MPC1: variants seen among roughly 807,000 people sequenced by gnomAD.
MPC1 encodes HSPC040 protein.
In MPC1, 6 loss-of-function variants were observed where a neutral mutation model predicts 13.9. The observed-to-expected ratio is 0.43, with a 90% CI of 0.24 to 0.85. MPC1 has a LOEUF of 0.85. MPC1 is among the 40% of genes least tolerant of loss of function. The pLI is 0.24. For synonymous variants in MPC1, 47 were observed against 50.5 expected, an observed-to-expected ratio of 0.93 and a Z score of 0.29; for missense variants, 115 against 143.3, an observed-to-expected ratio of 0.80 and a Z score of 1.01.
chr6:166,374,044 T>C lies in MPC1; in HGVS notation c.72-3823A>G, dbSNP rs536868155. ...CTCTGTTGCCCAGGATGGAGTGCAG[T>C]GGCATGATCTTGGCTGACTGCAACC... On this transcript the variant is annotated intron_variant, in intron 1 of 4. Coordinates refer to ENST00000360961, the MANE Select transcript of MPC1 (RefSeq NM_016098.4). 1.3e-4 allele frequency among the ~76,000 whole-genome samples: 20 copies of C among 152,184 alleles called. No individual in the cohort carries two copies. The Middle Eastern group carries it at 0.01, about 78-fold the overall frequency.
rs991588772 is a variant in MPC1, at chr6:166,367,265, C to T, written c.76-374G>A. On this transcript the variant is annotated intron_variant, in intron 2 of 4. Transcript: ENST00000360961. ...TGCTATAATTCAAACCCTGTTAGAA[C>T]TATTCTCCATATTTTTATGTTTAAA... The T allele has an allele frequency of 3.7e-6, 3 of 805,706 alleles. No homozygotes were observed. The African/African-American group carries it at 5.5e-5, about 15-fold the overall frequency. The allele number at this position is 805,706 out of a possible 1,614,324, so 49.9% of individuals were successfully genotyped here. A position where few individuals can be genotyped will look rare whatever the true frequency, so the allele number is the denominator to read the frequency against.
chr6:166,365,582 A>G lies in MPC1; in HGVS notation c.306-129T>C, dbSNP rs1189395517. On this transcript the variant is annotated intron_variant, in intron 4 of 4. Transcript: ENST00000360961. The surrounding 1 kb of genome is among the most constrained non-coding windows in gnomAD (Gnocchi z 4.2). ...TCAACTTACAACTTATAAAAACAAT[A>G]ATATAGGTTGGGTATCCCTCATCTG... 1.4e-5 allele frequency: 10 copies of G among 737,386 alleles called. No individual in the cohort carries two copies. The highest frequency in any genetic ancestry group is 1.8e-5 in the Non-Finnish European group (9 of 486,868). The allele number at this position is 737,386 out of a possible 1,614,324, so 45.7% of individuals were successfully genotyped here.
intron 2 of MPC1, among the ~76,000 whole-genome samples, chr6:166,369,231 G>A (rs1243880160): frequency 1.3e-5 from 2 of 151,988 alleles, no homozygotes; most frequent in Non-Finnish European, 1.5e-5. Flanking sequence ...GTGAAACCCC[G>A]TCTCTACTAA....
chr6:166,366,966 T>A, intron 2 of MPC1, 75 bp from the exon 3 acceptor site: 1 of 1,606,750 alleles, frequency 6.2e-7, no homozygotes, highest in Non-Finnish European at 8.5e-7. Context: ...AAATTTCCCT[T>A]ACTTTAAATA....
At chr6:166,379,844 T>C (rs1779703026) in intron 1 of MPC1, among the ~76,000 whole-genome samples, 1 of 152,244 alleles carries the variant, frequency 6.6e-6, no homozygotes, top group Non-Finnish European at 1.5e-5. Flanking sequence ...AAAGCCGGGC[T>C]GTAAGCGTAA....
At chr6:166,370,282 A>T (rs1779330597) in intron 1 of MPC1, 61 bp from the exon 2 acceptor site, 2 of 707,816 alleles carry the variant, frequency 2.8e-6, no homozygotes, top group African/African-American at 3.5e-5. Context: ...AAGAAACAAA[A>T]ATCAAATGAT....
At chr6:166,371,612 T>C (rs1779383605) in intron 1 of MPC1, among the ~76,000 whole-genome samples, 1 of 152,210 alleles carries the variant, frequency 6.6e-6, no homozygotes, top group South Asian at 2.1e-4. Flanking sequence ...GAGATTATAA[T>C]TTGTAACATG....
chr6:166,366,760 A>G (rs1779171229), intron 3 of MPC1, 35 bp downstream of exon 3: 1 of 1,595,540 alleles, frequency 6.3e-7, no homozygotes, highest in Non-Finnish European at 8.6e-7. Flanking sequence ...TACTATGTTG[A>G]AAGTCCTCCC....
intron 1 of MPC1, among the ~76,000 whole-genome samples, chr6:166,382,523 G>C (rs1253447026): frequency 2.0e-5 from 3 of 147,844 alleles, no homozygotes; most frequent in Non-Finnish European, 3.0e-5. Flanking sequence ...TGCCGGGAGA[G>C]GACACCCACT....
At chr6:166,368,794 T>C (rs1405334640) in intron 2 of MPC1, 2 of 985,440 alleles carry the variant, frequency 2.0e-6, no homozygotes, top group East Asian at 1.1e-4. Context: ...TATTATTCCA[T>C]AGTGATCTTC....
intron 1 of MPC1, among the ~76,000 whole-genome samples, chr6:166,380,864 A>T (rs973686711): frequency 6.8e-6 from 1 of 147,906 alleles, no homozygotes; most frequent in Non-Finnish European, 1.5e-5. Context: ...ACTTGAACCC[A>T]GGAGGCGGAG....
intron 1 of MPC1, among the ~76,000 whole-genome samples, chr6:166,379,527 G>A (rs1779689378): frequency 6.6e-6 from 1 of 152,134 alleles, no homozygotes; most frequent in Non-Finnish European, 1.5e-5. Flanking sequence ...ATTCAGTTTA[G>A]TAAGAATGTT....
At chr6:166,378,840 C>A (rs1274884707) in intron 1 of MPC1, among the ~76,000 whole-genome samples, 1 of 152,136 alleles carries the variant, frequency 6.6e-6, no homozygotes, top group Non-Finnish European at 1.5e-5. Flanking sequence ...ATAAATTGAA[C>A]ACTTACTTTT....
intron 1 of MPC1, among the ~76,000 whole-genome samples, chr6:166,379,676 C>T (rs776567848): frequency 3.9e-5 from 6 of 152,036 alleles, no homozygotes; most frequent in Non-Finnish European, 7.4e-5. Context: ...CCTCTAGACC[C>T]CTTCAGTAGG....
rs558868413 is a variant in MPC1 at position 166,365,720 on chromosome 6, A to C, written c.305+254T>G. On this transcript the variant is annotated intron_variant, in intron 4 of 4. Transcript: ENST00000360961. The surrounding 1 kb of genome is among the most constrained non-coding windows in gnomAD (Gnocchi z 4.2). ...CAAAATCCAAAATGCTCCAATGAGC[A>C]CTTCCTTTGAGTGTCATGTTGGCAC... Among the ~76,000 whole-genome samples, 51 of 152,328 alleles carry C rather than the reference A, an allele frequency of 3.3e-4. No individual in the cohort carries two copies. The South Asian group carries it at 1.0e-2, about 30-fold the overall frequency.
At chr6:166,370,522 C>T (rs1330834328) in intron 1 of MPC1, among the ~76,000 whole-genome samples, 1 of 152,168 alleles carries the variant, frequency 6.6e-6, no homozygotes, top group Admixed American at 6.5e-5. Flanking sequence ...ATACAAGCCA[C>T]GTACGTAATT....
Position 166,365,864 on chromosome 6 carries a change from ATCTATACACAC to A in MPC1, c.305+99_305+109del. 7.1e-7 allele frequency: 1 copy of A among 1,400,690 alleles called. No individual in the cohort carries two copies. Among genetic ancestry groups the A allele is most frequent in the African/African-American group, 1.4e-5 (1 of 69,934 alleles). 86.8% of individuals were successfully genotyped at this position (1,400,690 alleles called of 1,614,324 possible). ...GTTGTTTCCCCAACTGCTAAAGCGC[ATCTATACACAC>A]TCCAGTCCCGCAGCACTCCCTCAGA... is the stretch of plus-strand genomic sequence containing the variant. On this transcript the variant is annotated intron_variant, in intron 4 of 4. Transcript: ENST00000360961. The surrounding 1 kb of genome is among the most constrained non-coding windows in gnomAD (Gnocchi z 4.2).
chr6:166,380,127 A>G (rs1410883057), intron 1 of MPC1, among the ~76,000 whole-genome samples: 3 of 152,262 alleles, frequency 2.0e-5, no homozygotes, highest in African/African-American at 7.2e-5. Flanking sequence ...TTTATAGCTC[A>G]CACAAGATTT....
At chr6:166,370,125 C>T (rs1316638670) in intron 2 of MPC1, 93 bp downstream of exon 2, 1 of 778,298 alleles carries the variant, frequency 1.3e-6, no homozygotes, top group African/African-American at 1.7e-5. Context: ...TAGAAAGGCT[C>T]TCATATGCAA....
Sources: gnomAD v4.1 joint callset for allele counts (sites outside exome capture counted in the v4.1 genomes callset) on GRCh38, gnomAD v4.1.1 for gene constraint, Gnocchi (gnomAD v3.1) non-coding constraint, MANE v1.5 for transcripts, NCBI Gene and HGNC (gene_info 2026-07-23, HGNC 2026-07-21) for gene names.